Variants in SLC36A1 observed in about 807,000 individuals in gnomAD.
SLC36A1 encodes the protein proton-coupled amino acid transporter 1.
SLC36A1 carries 30 observed loss-of-function variants against 47.5 expected under a neutral mutation model. The ratio of observed to expected loss-of-function variants is 0.63; its 90% CI spans 0.47 to 0.86. The LOEUF (loss-of-function observed/expected upper bound fraction) is 0.86. Among genes scored for constraint, SLC36A1 ranks in the 40% least tolerant of loss-of-function variants. The probability of loss-of-function intolerance (pLI) is 0.00; values close to 1 mark genes in which losing one functional copy is unlikely to be tolerated. For synonymous variants in SLC36A1, 255 were observed against 249.7 expected (o/e 1.02, Z -0.20); for missense variants, 517 against 606.0 (o/e 0.85, Z 1.54).
chr5:151,458,356 T>TATATATATATATATATATACACAC (rs796511045), intron 1 of SLC36A1, among the ~76,000 whole-genome samples: 2 of 129,768 alleles, frequency 1.5e-5, no homozygotes, highest in African/African-American at 7.0e-5. Flanking sequence ...TATATATATA[T>TATATATATATATATATATACACAC]ACACACACGA....
chr5:151,357,767 A>G, the SLC36A1 span, among the ~76,000 whole-genome samples: 1 of 152,248 alleles, frequency 6.6e-6, no homozygotes, highest in Admixed American at 6.5e-5. Context: ...ACTTAAGTCA[A>G]CATATATTTT....
chr5:151,543,507 CAG>C, the SLC36A1 span: 27 of 1,614,180 alleles, frequency 1.7e-5, no homozygotes, highest in Non-Finnish European at 2.2e-5. Flanking sequence ...CCAGTTTCTG[CAG>C]AGTGGCAATC....
upstream of SLC36A1, among the ~76,000 whole-genome samples, chr5:151,444,189 A>G (rs1412502095): frequency 1.3e-5 from 2 of 152,126 alleles, no homozygotes; most frequent in African/African-American, 2.4e-5. Context: ...ATTGTTTCTT[A>G]TATCTCAGTA....
Position 151,479,355 on chromosome 5 carries a change from G to A in SLC36A1, c.1025G>A (p.Gly342Glu), listed in dbSNP as rs1382315060. The part of the protein sequence containing the change: ...YQSVKLLYSI[G>E]IFFTYALQFY... ...TCAGTTAAGCTGCTGTACTCCATCGGGATCTTTTTCACCTACGCACTCCAG... is the reference window on the plus strand; with the variant it reads ...TCAGTTAAGCTGCTGTACTCCATCGAGATCTTTTTCACCTACGCACTCCAG... Residue 342 changes from glycine (G) to glutamate (E), a missense_variant, in exon 10 of 11, where the codon GGG (glycine) becomes GAG (glutamate). By Grantham distance (98) the Gly-to-Glu change is moderately conservative. Transcript: ENST00000243389. 6.2e-7 allele frequency: 1 copy of A among 1,614,024 alleles called. No individual in the cohort carries two copies. The highest frequency in any genetic ancestry group is 1.1e-5 in the South Asian group (1 of 91,088).
At chr5:151,402,211 T>C in the SLC36A1 span, among the ~76,000 whole-genome samples, 1 of 152,230 alleles carries the variant, frequency 6.6e-6, no homozygotes, top group East Asian at 1.9e-4. Context: ...ATGTTGGATT[T>C]TATCAAAAGC....
chr5:151,345,376 C>T, the SLC36A1 span, among the ~76,000 whole-genome samples: 2 of 152,278 alleles, frequency 1.3e-5, no homozygotes, highest in East Asian at 1.9e-4. Context: ...TCTTGGGCAA[C>T]GTGTTCAACT....
chr5:151,348,696 C>A, the SLC36A1 span, among the ~76,000 whole-genome samples: 2 of 152,204 alleles, frequency 1.3e-5, no homozygotes, highest in Non-Finnish European at 2.9e-5. Context: ...TCCACAAAGC[C>A]TGGCTACTTC....
chr5:151,517,101 C>CCAT, the SLC36A1 span, among the ~76,000 whole-genome samples: 2 of 148,822 alleles, frequency 1.3e-5, no homozygotes, highest in Non-Finnish European at 3.0e-5. Flanking sequence ...GAGAGAGACT[C>CCAT]CATCTCAAAA....
chr5:151,494,248 T>C (rs1760277509), downstream of SLC36A1, among the ~76,000 whole-genome samples: 3 of 152,226 alleles, frequency 2.0e-5, no homozygotes, highest in African/African-American at 4.8e-5. Flanking sequence ...TGTGTGTCTT[T>C]AATGGGTATG....
At chr5:151,543,158 G>T in the SLC36A1 span, 4 of 1,614,182 alleles carry the variant, frequency 2.5e-6, no homozygotes, top group East Asian at 6.7e-5. Flanking sequence ...AAGAAGTCAA[G>T]GGTCTGATTT....
At chr5:151,358,441 T>G in the SLC36A1 span, among the ~76,000 whole-genome samples, 412 of 152,166 alleles carry the variant, frequency 2.7e-3, 3 homozygotes, top group African/African-American at 9.6e-3. Flanking sequence ...CCGGCTAATT[T>G]TTGTAGAGAT....
At chr5:151,469,120 C>A in intron 7 of SLC36A1, 1 of 445,180 alleles carries the variant, frequency 2.2e-6, no homozygotes, top group South Asian at 5.3e-5. Context: ...AATTCAGTTC[C>A]CCAAATAATT....
chr5:151,546,723 C>CTT, the SLC36A1 span, among the ~76,000 whole-genome samples: 26 of 146,126 alleles, frequency 1.8e-4, no homozygotes, highest in African/African-American at 6.5e-4. Context: ...TTTTGTATAA[C>CTT]TTTTTTTTTT....
chr5:151,452,869 C>CAAAAAAA (rs543863050), intron 1 of SLC36A1, among the ~76,000 whole-genome samples: 3 of 107,162 alleles, frequency 2.8e-5, no homozygotes, highest in African/African-American at 9.9e-5. Context: ...GACACCATCT[C>CAAAAAAA]AAAAAAAAAA....
At chr5:151,376,638 AT>A in the SLC36A1 span, among the ~76,000 whole-genome samples, 33 of 149,196 alleles carry the variant, frequency 2.2e-4, no homozygotes, top group Middle Eastern at 7.0e-3. Context: ...CATTTCAAAA[AT>A]TTTTTTTTTT....
chr5:151,364,886 G>T, the SLC36A1 span, among the ~76,000 whole-genome samples: 2 of 152,102 alleles, frequency 1.3e-5, no homozygotes, highest in Non-Finnish European at 2.9e-5. Flanking sequence ...GTTTACTTCA[G>T]TTCCAGGTTA....
At chr5:151,431,857 G>A in the SLC36A1 span, among the ~76,000 whole-genome samples, 1 of 152,190 alleles carries the variant, frequency 6.6e-6, no homozygotes, top group Non-Finnish European at 1.5e-5. Flanking sequence ...GGCAGAGGCT[G>A]TGAGCAAGAA....
chr5:151,527,317 C>G, the SLC36A1 span: 1 of 1,613,438 alleles, frequency 6.2e-7, no homozygotes, highest in Non-Finnish European at 8.5e-7. Flanking sequence ...ATGTCTGTGT[C>G]CTCATGCAGT....
chr5:151,360,842 C>T, the SLC36A1 span, among the ~76,000 whole-genome samples: 3 of 152,214 alleles, frequency 2.0e-5, no homozygotes, highest in South Asian at 2.1e-4. Flanking sequence ...GAGAAGCACT[C>T]ATCTCCATCC....
Sources: gnomAD v4.1 joint callset for allele counts (sites outside exome capture counted in the v4.1 genomes callset) on GRCh38, gnomAD v4.1.1 for gene constraint, MANE v1.5 for transcripts, NCBI Gene and HGNC (gene_info 2026-07-23, HGNC 2026-07-21) for gene names.